The following CYP3A4 variants were observed in gnomAD, a reference collection of about 807,000 sequenced individuals.
The protein encoded by CYP3A4 is cytochrome P450 family 3 subfamily A member 4.
CYP3A4 carries 41 observed loss-of-function variants against 54.9 expected under a neutral mutation model. The observed-to-expected ratio is 0.75, with a 90% confidence interval of 0.58 to 0.97. CYP3A4 has a LOEUF of 0.97. CYP3A4 is among the 50% of genes least tolerant of loss of function. The pLI, the probability that CYP3A4 is intolerant of heterozygous loss-of-function variation, is 0.00. For missense variants in CYP3A4, 510 were observed against 597.3 expected (o/e 0.85, Z 1.52); for synonymous variants, 179 against 205.2 (o/e 0.87, Z 1.09).
At chr7:99,780,764 T>C (rs1815902394) in intron 1 of CYP3A4, among the ~76,000 whole-genome samples, 1 of 152,224 alleles carries the variant, frequency 6.6e-6, no homozygotes, top group East Asian at 1.9e-4. Flanking sequence ...AGCTTTCAGC[T>C]ACACCTCAGT....
At chr7:99,779,640 C>A (rs1815862886) in intron 2 of CYP3A4, among the ~76,000 whole-genome samples, 1 of 151,986 alleles carries the variant, frequency 6.6e-6, no homozygotes, top group Admixed American at 6.5e-5. Flanking sequence ...TCAGGGGGTC[C>A]TTTTCCTACT....
chr7:99,780,175 C>A, intron 1 of CYP3A4, 90 bp from the exon 2 acceptor site: 1 of 1,309,950 alleles, frequency 7.6e-7, no homozygotes, highest in South Asian at 1.2e-5. Flanking sequence ...CTGGAATGCT[C>A]AAGAGAACGA....
At chr7:99,772,184 G>A (rs1216620376) in intron 4 of CYP3A4, among the ~76,000 whole-genome samples, 1 of 152,166 alleles carries the variant, frequency 6.6e-6, no homozygotes, top group Non-Finnish European at 1.5e-5. Context: ...TGGAGACAGA[G>A]TGGATCTGCA....
Position 99,780,011 on chromosome 7 carries a change from T to C in CYP3A4, c.146A>G (p.Asn49Ser). Residue 49 changes from asparagine (N) to serine (S), a missense_variant, in exon 2 of 13, where the codon AAT becomes AGT. Transcript: ENST00000651514. ...PGPTPLPFLG[N>S]ILSYHKGFCM... ...ACTCACCTTATGGTAGGACAAAATATTTCCCAAAAAAGGCAGAGGTGTGGG... is the reference window on the plus strand; with the variant it reads ...ACTCACCTTATGGTAGGACAAAATACTTCCCAAAAAAGGCAGAGGTGTGGG... The C allele has an allele frequency of 6.2e-7, 1 of 1,613,466 alleles. No individual in the cohort carries two copies. The highest frequency in any genetic ancestry group is 1.1e-5 in the South Asian group (1 of 91,070).
In CYP3A4 at chr7:99,762,140, C is replaced by G. The variant is rs2151554433; in HGVS notation, c.1154G>C (p.Gly385Ala). 1.2e-6 allele frequency: 2 copies of G among 1,614,020 alleles called. No homozygotes were observed. The highest frequency in any genetic ancestry group is 3.3e-4 in the Middle Eastern group (2 of 6,060). Residue 385 changes from glycine to alanine, a missense_variant, in exon 11 of 13, where the codon GGG becomes GCG. Around this residue, in one of 2 missense-constraint regions of CYP3A4, gnomAD observed 238 missense variants for 322.5 expected, o/e 0.74. Coordinates refer to ENST00000651514, the MANE Select transcript of CYP3A4 (RefSeq NM_017460.6). Reference sequence around the variant, plus strand: ...CACCACCCCTTTGGGAATGAACATCCCATTGATCTCAACATCTTTTTTGCA... The same window carrying G: ...CACCACCCCTTTGGGAATGAACATCGCATTGATCTCAACATCTTTTTTGCA... The part of the protein sequence containing the change: ...RVCKKDVEIN[G>A]MFIPKGVVVM...
chr7:99,773,496 C>T (rs984827894), intron 3 of CYP3A4, among the ~76,000 whole-genome samples: 6 of 152,186 alleles, frequency 3.9e-5, no homozygotes, highest in Non-Finnish European at 5.9e-5. Context: ...AACAAACTGT[C>T]TCTCAGACCA....
In CYP3A4 at chr7:99,766,362, A is replaced by T. The variant is rs767052020; in HGVS notation, c.865+15T>A. 1.9e-6 allele frequency: 3 copies of T among 1,613,430 alleles called. No individual in the cohort carries two copies. Among genetic ancestry groups the T allele is most frequent in the Non-Finnish European group, 8.5e-7 (1 of 1,179,570 alleles). On this transcript the variant is annotated intron_variant, in intron 9 of 12. Transcript: ENST00000651514. ...TGAGTGCCCCACAAGTAGCCCTCAG[A>T]AACACTCTGGTTACCTTTGTGGGAC...
At chr7:99,773,832 GAAATAACT>G (rs971102907) in intron 3 of CYP3A4, among the ~76,000 whole-genome samples, 1 of 151,958 alleles carries the variant, frequency 6.6e-6, no homozygotes, top group Non-Finnish European at 1.5e-5. Flanking sequence ...CAGGAGACAA[GAAATAACT>G]AAGATCAGAG....
intron 9 of CYP3A4, among the ~76,000 whole-genome samples, chr7:99,764,448 A>C (rs1815425624): frequency 6.6e-6 from 1 of 152,208 alleles, no homozygotes; most frequent in Admixed American, 6.5e-5. Flanking sequence ...ACTTTGAGAG[A>C]ATTTGCAACA....
Position 99,757,463 on chromosome 7 carries a change from C to CCAAA in CYP3A4, c.*669_*670insTTTG, listed in dbSNP as rs1815204752. The CCAAA allele has an allele frequency of 6.6e-6, 1 of 152,506 alleles. No individual in the cohort carries two copies. The highest frequency in any genetic ancestry group is 1.5e-5 in the Non-Finnish European group (1 of 68,338). 9.4% of individuals were successfully genotyped at this position (152,506 alleles called of 1,614,324 possible). On this transcript the variant is annotated 3_prime_UTR_variant, in exon 13 of 13. Transcript: ENST00000651514. ...AGGATTACAGGCGTGAGCCACTGTG[C>CCAAA]CTGATCAAAAAAGGCATAATTAAAC...
At chr7:99,766,264 G>A (rs562452936) in intron 9 of CYP3A4, 113 bp downstream of exon 9, 9 of 1,264,640 alleles carry the variant, frequency 7.1e-6, no homozygotes, top group East Asian at 4.7e-5. Context: ...AACATGTGTC[G>A]TTCTGCTATG....
chr7:99,777,691 C>T (rs1815807118), intron 3 of CYP3A4, among the ~76,000 whole-genome samples: 1 of 152,160 alleles, frequency 6.6e-6, no homozygotes, highest in African/African-American at 2.4e-5. Flanking sequence ...AACTGCCTGT[C>T]CAACCTTGGT....
intron 3 of CYP3A4, among the ~76,000 whole-genome samples, chr7:99,774,115 C>T (rs1459822863): frequency 1.3e-5 from 2 of 152,158 alleles, no homozygotes; most frequent in African/African-American, 2.4e-5. Flanking sequence ...AATTCCTGGA[C>T]ACATGCCCCC....
intron 4 of CYP3A4, among the ~76,000 whole-genome samples, 179 bp downstream of exon 4, chr7:99,772,409 CAT>C (rs1815657728): frequency 1.3e-5 from 2 of 152,198 alleles, no homozygotes; most frequent in South Asian, 4.1e-4. Flanking sequence ...TATATAGTAA[CAT>C]GAATATACTG....
Position 99,783,840 on chromosome 7 carries a change from C to T in CYP3A4, c.71+171G>A, listed in dbSNP as rs6957392. Among the ~76,000 whole-genome samples, 914 of 152,240 alleles carry T rather than the reference C, an allele frequency of 6.0e-3. 14 individuals carry two copies. The highest frequency in any genetic ancestry group is 8.2e-3 in the Admixed American group (126 of 15,296). Reference sequence around the variant, plus strand: ...GCCAGGCTGGTCTTGAACTCCTGACCTCAGGCAGTCCACTTGCCTTAGCCT... The same window carrying T: ...GCCAGGCTGGTCTTGAACTCCTGACTTCAGGCAGTCCACTTGCCTTAGCCT... On this transcript the variant is annotated intron_variant, in intron 1 of 12. Coordinates refer to ENST00000651514, the MANE Select transcript of CYP3A4 (RefSeq NM_017460.6).
chr7:99,765,844 C>T (rs1020083305), intron 9 of CYP3A4, among the ~76,000 whole-genome samples: 3 of 152,164 alleles, frequency 2.0e-5, no homozygotes, highest in African/African-American at 7.2e-5. Context: ...TGGAAAATAA[C>T]TTTGCAGTAG....
Position 99,758,196 on chromosome 7 carries a change from A to T in CYP3A4, c.1449T>A (p.Leu483=). The change falls in exon 13 of 13, where the codon CTT becomes CTA. Residue 483 remains leucine, a synonymous_variant. Transcript: ENST00000651514. ...IPLKLSLGGL[L]QPEKPVVLKV... is the part of the protein sequence containing the mutation. ...TTAGAACAACGGGTTTTTCTGGTTG[A>T]AGAAGTCCTCCTAAGCTTAATTTCA... The T allele has an allele frequency of 6.2e-7, 1 of 1,614,020 alleles. No homozygotes were observed. Among genetic ancestry groups the T allele is most frequent in the African/African-American group, 1.3e-5 (1 of 75,044 alleles).
At chr7:99,780,146 T>C (rs2151566883) in intron 1 of CYP3A4, 61 bp from the exon 2 acceptor site, 2 of 1,528,234 alleles carry the variant, frequency 1.3e-6, no homozygotes, top group Non-Finnish European at 1.8e-6. Flanking sequence ...TAGGGGTTGA[T>C]GAGTCATTGA....
intron 1 of CYP3A4, among the ~76,000 whole-genome samples, chr7:99,780,506 G>T (rs1470670911): frequency 1.3e-5 from 2 of 152,194 alleles, no homozygotes; most frequent in South Asian, 2.1e-4. Context: ...CCGCAGTGAT[G>T]ATGAGATTTT....
Sources: gnomAD v4.1 joint callset for allele counts (sites outside exome capture counted in the v4.1 genomes callset) on GRCh38, gnomAD v4.1.1 for gene constraint, gnomAD v4.1.1 regional missense constraint, MANE v1.5 for transcripts, NCBI Gene and HGNC (gene_info 2026-07-23, HGNC 2026-07-21) for gene names.